FAM81A: variants seen among roughly 807,000 people sequenced by gnomAD.
The protein encoded by FAM81A is protein FAM81A.
FAM81A carries 19 observed loss-of-function variants against 46.7 expected under a neutral mutation model. The observed-to-expected ratio is 0.41, with a 90% CI of 0.28 to 0.60. The LOEUF is 0.60. Among genes scored for constraint, FAM81A ranks in the 20% least tolerant of loss-of-function variants. The pLI, the probability that FAM81A is intolerant of heterozygous loss-of-function variation, is 0.34. For missense variants in FAM81A, 377 were observed against 453.5 expected (o/e 0.83, Z 1.53); for synonymous variants, 183 against 152.9 (o/e 1.20, Z -1.45).
chr15:59,505,240 G>A (rs1213996490), intron 4 of FAM81A, among the ~76,000 whole-genome samples: 4 of 152,090 alleles, frequency 2.6e-5, no homozygotes, highest in African/African-American at 9.7e-5. Flanking sequence ...GGCTGGGCGC[G>A]GTGGCACACA....
At chr15:59,443,793 C>G (rs1011038108) in intron 1 of FAM81A, among the ~76,000 whole-genome samples, 1 of 152,172 alleles carries the variant, frequency 6.6e-6, no homozygotes, top group Non-Finnish European at 1.5e-5. Context: ...CCTACTGTCT[C>G]TCTCCTGTTT....
chr15:59,447,145 A>G (rs138022729), intron 1 of FAM81A, among the ~76,000 whole-genome samples: 202 of 152,338 alleles, frequency 1.3e-3, no homozygotes, highest in African/African-American at 4.6e-3. Flanking sequence ...AAAAGATATG[A>G]CTATACTAAT....
intron 1 of FAM81A, among the ~76,000 whole-genome samples, chr15:59,449,031 A>G (rs2081384393): frequency 6.6e-6 from 1 of 152,196 alleles, no homozygotes; most frequent in Non-Finnish European, 1.5e-5. Context: ...ATTGTTGGAC[A>G]TTTATCCAAT....
intron 1 of FAM81A, among the ~76,000 whole-genome samples, chr15:59,457,445 T>C (rs1596486004): frequency 1.3e-5 from 2 of 152,318 alleles, no homozygotes; most frequent in South Asian, 4.1e-4. Flanking sequence ...CTGTGCCTAA[T>C]TTATGAATTA....
intron 4 of FAM81A, among the ~76,000 whole-genome samples, chr15:59,501,151 C>A (rs905461544): frequency 6.6e-6 from 1 of 152,176 alleles, no homozygotes; most frequent in East Asian, 1.9e-4. Context: ...ATTTGTTTAG[C>A]GACTTGAATG....
chr15:59,478,472 G>A (rs959391422), intron 3 of FAM81A, among the ~76,000 whole-genome samples: 5 of 152,166 alleles, frequency 3.3e-5, no homozygotes, highest in African/African-American at 1.2e-4. Flanking sequence ...CATGTAGTCG[G>A]ACTAACATAC....
At chr15:59,421,393 C>T (rs1454292364) in intron 2 of FAM81A, among the ~76,000 whole-genome samples, 3 of 152,030 alleles carry the variant, frequency 2.0e-5, no homozygotes, top group Non-Finnish European at 4.4e-5. Context: ...CTGGGGAGGA[C>T]CTTAGTTTCT....
intron 2 of FAM81A, among the ~76,000 whole-genome samples, chr15:59,420,227 C>T (rs917410402): frequency 6.6e-6 from 1 of 152,218 alleles, no homozygotes; most frequent in Admixed American, 6.5e-5. Flanking sequence ...CAGCTTCTAG[C>T]GCTGATTCTG....
intron 2 of FAM81A, among the ~76,000 whole-genome samples, chr15:59,432,438 A>T (rs1431299714): frequency 6.6e-6 from 1 of 152,214 alleles, no homozygotes; most frequent in Non-Finnish European, 1.5e-5. Flanking sequence ...GAATGAAAAC[A>T]ACATTTATTT....
chr15:59,442,445 T>C (rs2081308549), intron 1 of FAM81A, among the ~76,000 whole-genome samples: 1 of 151,312 alleles, frequency 6.6e-6, no homozygotes, highest in East Asian at 1.9e-4. Flanking sequence ...TGAAACCCCA[T>C]CTCTACTAAA....
chr15:59,448,194 T>C (rs540934656), intron 1 of FAM81A, among the ~76,000 whole-genome samples: 1 of 152,180 alleles, frequency 6.6e-6, no homozygotes, highest in South Asian at 2.1e-4. Flanking sequence ...ATGGACAACA[T>C]GGCGAAACCC....
rs184811338 is a variant in FAM81A, at chr15:59,497,867, A to T, written c.413+5478A>T. On this transcript the variant is annotated intron_variant, in intron 4 of 8. Transcript: ENST00000288228. ...ACAAATAAGCCTTTATTTAAAAAAA[A>T]TTTTTTTAGAAACATTGTCTTCCTT... Among the ~76,000 whole-genome samples the T allele has an allele frequency of 1.6e-3, 239 of 152,244 alleles. 1 individual carries two copies. The highest frequency in any genetic ancestry group is 3.7e-3 in the Admixed American group (57 of 15,292).
chr15:59,406,732 G>C (rs2081096372), intron 2 of FAM81A, among the ~76,000 whole-genome samples: 2 of 152,078 alleles, frequency 1.3e-5, no homozygotes, highest in Admixed American at 1.3e-4. Flanking sequence ...ATAGAGAAAT[G>C]AAATCATCCT....
At position 59,507,266 on chromosome 15, in the gene FAM81A, G is replaced by T. The variant is rs951790952; in HGVS notation, c.467G>T (p.Gly156Val). 6.2e-7 allele frequency: 1 copy of T among 1,611,940 alleles called. No homozygotes were observed. Among genetic ancestry groups the T allele is most frequent in the Non-Finnish European group, 8.5e-7 (1 of 1,179,042 alleles). ...GCAGAGCACAAAACGACCTATGAGG[G>T]GCTCCAGCACTTGAACAAAGAACAG... ...LSAEHKTTYE[G>V]LQHLNKEQQA... Residue 156 changes from glycine (G) to valine (V), a missense_variant, in exon 5 of 9, where the codon GGG becomes GTG. Coordinates refer to ENST00000288228, the MANE Select transcript of FAM81A (RefSeq NM_152450.3).
Position 59,522,037 on chromosome 15 carries a change from C to T in FAM81A, c.*659C>T, listed in dbSNP as rs1450180834. The T allele has an allele frequency of 6.6e-6, 1 of 152,428 alleles. No individual in the cohort carries two copies. Among genetic ancestry groups the T allele is most frequent in the African/African-American group, 2.4e-5 (1 of 41,378 alleles). The allele number at this position is 152,428 out of a possible 1,614,324, so 9.4% of individuals were successfully genotyped here. A position where few individuals can be genotyped will look rare whatever the true frequency, so the allele number is the denominator to read the frequency against. On this transcript the variant is annotated 3_prime_UTR_variant, in exon 9 of 9. Coordinates refer to ENST00000288228, the MANE Select transcript of FAM81A (RefSeq NM_152450.3). ...AAACTTATTTAGATAACGTAAGGCT[C>T]AATATCTGCGTTGACCACCTAGATA...
At chr15:59,491,935 C>CA (rs1472651099) in intron 3 of FAM81A, among the ~76,000 whole-genome samples, 1 of 151,142 alleles carries the variant, frequency 6.6e-6, no homozygotes, top group Non-Finnish European at 1.5e-5. Context: ...CACTGCACTC[C>CA]AGCCTGGGCA....
chr15:59,473,626 G>A (rs2081726819), intron 3 of FAM81A, among the ~76,000 whole-genome samples: 1 of 152,156 alleles, frequency 6.6e-6, no homozygotes, highest in South Asian at 2.1e-4. Flanking sequence ...TTTGCTTACG[G>A]GGGTGGGGGA....
intron 6 of FAM81A, among the ~76,000 whole-genome samples, chr15:59,513,406 G>A (rs951698843): frequency 6.6e-6 from 1 of 152,274 alleles, no homozygotes; most frequent in Middle Eastern, 3.4e-3. Context: ...CAGGAGTATC[G>A]TGGACCCTCG....
At chr15:59,440,388 T>G (rs1330698576) in intron 1 of FAM81A, among the ~76,000 whole-genome samples, 1 of 152,172 alleles carries the variant, frequency 6.6e-6, no homozygotes, top group Non-Finnish European at 1.5e-5. Context: ...GCAATTCTGA[T>G]GTACACCCAG....
Sources: gnomAD v4.1 joint callset for allele counts (sites outside exome capture counted in the v4.1 genomes callset) on GRCh38, gnomAD v4.1.1 for gene constraint, MANE v1.5 for transcripts, NCBI Gene and HGNC (gene_info 2026-07-23, HGNC 2026-07-21) for gene names.